The following SH3RF1 variants were observed in gnomAD, a reference collection of about 807,000 sequenced individuals.
The protein encoded by SH3RF1 is E3 ubiquitin-protein ligase SH3RF1.
In SH3RF1, 32 loss-of-function variants were observed where a neutral mutation model predicts 74.0. That is an observed-to-expected ratio of 0.43 (90% CI 0.33 to 0.58). The LOEUF (loss-of-function observed/expected upper bound fraction) is 0.58. Among genes scored for constraint, SH3RF1 ranks in the 20% least tolerant of loss-of-function variants. The probability of loss-of-function intolerance (pLI) is 0.05; values close to 1 mark genes in which losing one functional copy is unlikely to be tolerated. For synonymous variants in SH3RF1, 396 were observed against 439.6 expected, an observed-to-expected ratio of 0.90 and a Z score of 1.24; for missense variants, 954 against 1,130.9, an observed-to-expected ratio of 0.84 and a Z score of 2.24.
At chr4:169,151,464 A>T (rs1733974564) in intron 4 of SH3RF1, among the ~76,000 whole-genome samples, 2 of 152,218 alleles carry the variant, frequency 1.3e-5, no homozygotes, top group South Asian at 4.1e-4. Context: ...TAGAGTCAAG[A>T]TTGGAATCCT....
In SH3RF1 at chr4:169,108,020, G is replaced by A. The variant is rs796757118; in HGVS notation, c.2140-815C>T. ...CACAGAAGCCATCTCTTGAATTTTT[G>A]TCTCTTGATACTTTCTCTCTTTGGT... On this transcript the variant is annotated intron_variant, in intron 10 of 11. Coordinates refer to ENST00000284637, the MANE Select transcript of SH3RF1 (RefSeq NM_020870.4). Among the ~76,000 whole-genome samples the A allele has an allele frequency of 5.9e-5, 9 of 152,132 alleles. 1 individual carries two copies. Among genetic ancestry groups the A allele is most frequent in the African/African-American group, 2.2e-4 (9 of 41,514 alleles).
chr4:169,170,906 G>A (rs1734318071), intron 2 of SH3RF1, among the ~76,000 whole-genome samples: 1 of 152,158 alleles, frequency 6.6e-6, no homozygotes, highest in Non-Finnish European at 1.5e-5. Context: ...TATCTAAAGT[G>A]AGTGTTACAA....
At chr4:169,118,939 G>A (rs1010944729) in intron 8 of SH3RF1, among the ~76,000 whole-genome samples, 2 of 152,122 alleles carry the variant, frequency 1.3e-5, no homozygotes, top group Admixed American at 1.3e-4. Context: ...ATAGTTTTGT[G>A]TAATGTGTTT....
In SH3RF1 at chr4:169,258,768, T is replaced by C. The variant is rs1731229448; in HGVS notation, c.393+10052A>G. Among the ~76,000 whole-genome samples the C allele has an allele frequency of 2.0e-5, 3 of 152,244 alleles. No homozygotes were observed. The South Asian group carries it at 6.2e-4, about 32-fold the overall frequency. On this transcript the variant is annotated intron_variant, in intron 2 of 11. Transcript: ENST00000284637. ...TCTAGTTTTATTATATAATGTTTAT[T>C]CTATGTGTTTGTTTTTAAAAACTTT...
intron 2 of SH3RF1, among the ~76,000 whole-genome samples, chr4:169,167,855 C>G (rs1266883179): frequency 6.6e-6 from 1 of 152,058 alleles, no homozygotes; most frequent in Non-Finnish European, 1.5e-5. Context: ...TTCACACATA[C>G]AAATTTTACC....
chr4:169,158,482 T>C (rs778435443), intron 2 of SH3RF1, among the ~76,000 whole-genome samples: 1 of 152,194 alleles, frequency 6.6e-6, no homozygotes, highest in Non-Finnish European at 1.5e-5. Context: ...GGGTCTTGTA[T>C]AACATATGAA....
intron 2 of SH3RF1, among the ~76,000 whole-genome samples, chr4:169,246,612 T>C (rs1332366186): frequency 3.9e-5 from 6 of 152,272 alleles, no homozygotes; most frequent in African/African-American, 9.6e-5. Flanking sequence ...CTCCCAATCT[T>C]AGCTGATGCA....
chr4:169,200,267 G>A (rs993317419), intron 2 of SH3RF1, among the ~76,000 whole-genome samples: 3 of 152,114 alleles, frequency 2.0e-5, no homozygotes, highest in Non-Finnish European at 4.4e-5. Flanking sequence ...CCAAATAAAA[G>A]TACACACTGT....
chr4:169,268,904 A>G lies in SH3RF1; in HGVS notation c.309T>C (p.Thr103=). The part of the protein sequence containing the change: ...CTNALRSQSS[T]VANCSSKDLQ... ...GATCTTTTGAGCTACAATTAGCCAC[A>G]GTGCTGCTCTGAGACCTTAATGCAT... Residue 103 remains threonine, a synonymous_variant, in exon 2 of 12, where the codon ACT becomes ACC. Transcript: ENST00000284637. The G allele has an allele frequency of 6.2e-7, 1 of 1,613,776 alleles. No individual in the cohort carries two copies. Among genetic ancestry groups the G allele is most frequent in the African/African-American group, 1.3e-5 (1 of 75,044 alleles).
At chr4:169,239,605 T>C (rs1730873986) in intron 2 of SH3RF1, among the ~76,000 whole-genome samples, 1 of 152,228 alleles carries the variant, frequency 6.6e-6, no homozygotes, top group African/African-American at 2.4e-5. Context: ...CCTTTAGCAA[T>C]GGTTAGTCCA....
At chr4:169,175,393 T>G (rs1019788957) in intron 2 of SH3RF1, among the ~76,000 whole-genome samples, 43 of 152,254 alleles carry the variant, frequency 2.8e-4, no homozygotes, top group African/African-American at 9.9e-4. Flanking sequence ...TGGCTCCCTC[T>G]CCAATTCTTC....
chr4:169,191,693 C>G (rs1011392631), intron 2 of SH3RF1, among the ~76,000 whole-genome samples: 5 of 151,942 alleles, frequency 3.3e-5, no homozygotes, highest in African/African-American at 1.2e-4. Context: ...ATAAAAATAG[C>G]CACATAGACC....
chr4:169,257,925 T>A (rs1172112406), intron 2 of SH3RF1, among the ~76,000 whole-genome samples: 2 of 152,154 alleles, frequency 1.3e-5, no homozygotes, highest in South Asian at 2.1e-4. Flanking sequence ...AGTGTGGGCT[T>A]CTAAGGGAAC....
At chr4:169,223,157 A>G (rs949303878) in intron 2 of SH3RF1, among the ~76,000 whole-genome samples, 5 of 152,190 alleles carry the variant, frequency 3.3e-5, no homozygotes, top group African/African-American at 1.2e-4. Flanking sequence ...AAGAACATCT[A>G]TTCATTCCAT....
chr4:169,255,714 G>A (rs1380038089), intron 2 of SH3RF1, among the ~76,000 whole-genome samples: 1 of 149,058 alleles, frequency 6.7e-6, no homozygotes, highest in Non-Finnish European at 1.5e-5. Context: ...ATCCAACAGT[G>A]CATTAAAACA....
intron 2 of SH3RF1, among the ~76,000 whole-genome samples, chr4:169,247,970 T>A (rs528823565): frequency 6.6e-6 from 1 of 152,278 alleles, no homozygotes; most frequent in East Asian, 1.9e-4. Context: ...ATGGCGATCA[T>A]TAAAAAGTCT....
intron 7 of SH3RF1, 131 bp from the exon 8 acceptor site, chr4:169,121,120 A>G (rs1416398419): frequency 8.1e-6 from 6 of 736,328 alleles, no homozygotes; most frequent in South Asian, 1.8e-5. Context: ...CCTTTAATCT[A>G]TAAGTAGCAC....
chr4:169,168,352 C>A (rs1411398014), intron 2 of SH3RF1, among the ~76,000 whole-genome samples: 1 of 152,144 alleles, frequency 6.6e-6, no homozygotes, highest in Admixed American at 6.5e-5. Context: ...TAGCACCAGT[C>A]AGTCTCTCAC....
rs773708420 is a variant in SH3RF1 at position 169,116,390 on chromosome 4, G to A, written c.2018C>T (p.Ser673Phe). Residue 673 changes from serine to phenylalanine, a missense_variant, in exon 10 of 12, where the codon TCT becomes TTT. Physicochemically the swap from Ser to Phe is radical, Grantham distance 155. This residue lies in a region of SH3RF1 where 854 missense variants were observed against 962.5 expected (regional missense o/e 0.89). Coordinates refer to ENST00000284637, the MANE Select transcript of SH3RF1 (RefSeq NM_020870.4). The part of the protein sequence containing the change: ...PLTSPSITSA[S>F]LEAEPSGRIV... ...CCGGCCACTGGGCTCAGCCTCCAGA[G>A]AAGCACTGGTGATGCTTGGGGAAGT... is the stretch of plus-strand genomic sequence containing the variant. 1 of 1,614,220 alleles carries A rather than the reference G, an allele frequency of 6.2e-7. No homozygotes were observed. The highest frequency in any genetic ancestry group is 8.5e-7 in the Non-Finnish European group (1 of 1,180,040).
Sources: gnomAD v4.1 joint callset for allele counts (sites outside exome capture counted in the v4.1 genomes callset) on GRCh38, gnomAD v4.1.1 for gene constraint, gnomAD v4.1.1 regional missense constraint, MANE v1.5 for transcripts, NCBI Gene and HGNC (gene_info 2026-07-23, HGNC 2026-07-21) for gene names.